The following KCNB2 variants were observed in gnomAD, a reference collection of about 807,000 sequenced individuals.
The protein encoded by KCNB2 is potassium voltage-gated channel subfamily B member 2, also known as delayed rectifier potassium channel protein.
KCNB2 carries 15 observed loss-of-function variants against 61.5 expected under a neutral mutation model. That is an observed-to-expected ratio of 0.24 (90% CI 0.16 to 0.38). The LOEUF (loss-of-function observed/expected upper bound fraction) is 0.38, where lower values mean the gene tolerates loss of function less well. KCNB2 is among the 10% of genes least tolerant of loss of function. KCNB2 has a pLI of 1.00. For missense variants in KCNB2, 828 were observed against 1,125.2 expected (o/e 0.74, Z 3.78); for synonymous variants, 457 against 446.0 (o/e 1.02, Z -0.31).
intron 2 of KCNB2, among the ~76,000 whole-genome samples, chr8:72,931,681 G>T (rs563228767): frequency 4.6e-5 from 7 of 152,258 alleles, no homozygotes; most frequent in African/African-American, 1.4e-4. Flanking sequence ...ACTCCTGCCA[G>T]CTCTGGAGGT....
At chr8:72,768,550 T>C (rs1808499434) in intron 2 of KCNB2, among the ~76,000 whole-genome samples, 1 of 152,148 alleles carries the variant, frequency 6.6e-6, no homozygotes, top group Non-Finnish European at 1.5e-5. Context: ...TTCATTTTGC[T>C]ATAGTCCCAG....
At chr8:72,543,639 C>T (rs1806221573) in intron 1 of KCNB2, among the ~76,000 whole-genome samples, 1 of 152,272 alleles carries the variant, frequency 6.6e-6, no homozygotes, top group African/African-American at 2.4e-5. Context: ...TGTGTAAAAA[C>T]ATGCTATGAA....
intron 2 of KCNB2, among the ~76,000 whole-genome samples, chr8:72,910,466 A>C (rs1303825113): frequency 6.6e-6 from 1 of 152,204 alleles, no homozygotes; most frequent in Non-Finnish European, 1.5e-5. Flanking sequence ...CATTGAAGGG[A>C]TACATAAAGG....
At chr8:72,931,569 G>T (rs540386538) in intron 2 of KCNB2, among the ~76,000 whole-genome samples, 81 of 152,282 alleles carry the variant, frequency 5.3e-4, no homozygotes, top group African/African-American at 1.8e-3. Context: ...AGTTGTGAAT[G>T]GGAGTTCACT....
At chr8:72,788,951 T>G (rs977720959) in intron 2 of KCNB2, among the ~76,000 whole-genome samples, 1 of 152,146 alleles carries the variant, frequency 6.6e-6, no homozygotes, top group Non-Finnish European at 1.5e-5. Context: ...GGTTTTATCT[T>G]TATTGATTCT....
intron 2 of KCNB2, among the ~76,000 whole-genome samples, chr8:72,624,430 T>A (rs1249677503): frequency 6.6e-6 from 1 of 152,236 alleles, no homozygotes; most frequent in Non-Finnish European, 1.5e-5. Flanking sequence ...ACAAAAAAGA[T>A]AACATTATGG....
At chr8:72,674,525 TAG>T (rs753759077) in intron 2 of KCNB2, among the ~76,000 whole-genome samples, 84 of 152,246 alleles carry the variant, frequency 5.5e-4, no homozygotes, top group Admixed American at 9.8e-4. Flanking sequence ...TCAGCAACTT[TAG>T]CTTATCAAAG....
At chr8:72,872,243 A>C (rs1805629751) in intron 2 of KCNB2, among the ~76,000 whole-genome samples, 1 of 152,248 alleles carries the variant, frequency 6.6e-6, no homozygotes, top group Non-Finnish European at 1.5e-5. Context: ...ATAAATTGGC[A>C]TCTCAGCAGT....
rs78495831 is a variant in KCNB2, at chr8:72,704,599, C to G, written c.579+136286C>G. ...CACAGATAAGATGAGCAGTGTGTCC[C>G]CAAAAGGACCTCAGCTTTCAGAGGG... On this transcript the variant is annotated intron_variant, in intron 2 of 2. Transcript: ENST00000523207. Among the ~76,000 whole-genome samples, 984 of 151,618 alleles carry G rather than the reference C, an allele frequency of 6.5e-3. 10 individuals are homozygous for G. Among genetic ancestry groups the G allele is most frequent in the African/African-American group, 0.022 (927 of 41,372 alleles).
chr8:72,684,563 C>T (rs893303727), intron 2 of KCNB2, among the ~76,000 whole-genome samples: 6 of 152,054 alleles, frequency 3.9e-5, no homozygotes, highest in East Asian at 1.9e-4. Flanking sequence ...CCCTCCTCAC[C>T]CCCACCTACC....
chr8:72,658,002 C>T (rs943426019), intron 2 of KCNB2, among the ~76,000 whole-genome samples: 8 of 147,860 alleles, frequency 5.4e-5, no homozygotes, highest in African/African-American at 2.1e-4. Flanking sequence ...CCCTGAGACC[C>T]AGCAATATTG....
At chr8:72,819,351 T>C (rs1164963502) in intron 2 of KCNB2, among the ~76,000 whole-genome samples, 2 of 152,122 alleles carry the variant, frequency 1.3e-5, no homozygotes, top group Non-Finnish European at 2.9e-5. Flanking sequence ...GTGATCCCCA[T>C]TCACCTCAGC....
Position 72,930,064 on chromosome 8 carries a change from C to T in KCNB2, c.580-5871C>T, listed in dbSNP as rs569671554. On this transcript the variant is annotated intron_variant, in intron 2 of 2. Coordinates refer to ENST00000523207, the MANE Select transcript of KCNB2 (RefSeq NM_004770.3). ...AACATGCAATGTTTGGTTTTTTGTCCTTACAATAGTTTGCTGAGAATGATC... is the reference window on the plus strand; with the variant it reads ...AACATGCAATGTTTGGTTTTTTGTCTTTACAATAGTTTGCTGAGAATGATC... Among the ~76,000 whole-genome samples the T allele has an allele frequency of 4.6e-5, 7 of 151,156 alleles. No individual in the cohort carries two copies. In the East Asian group the frequency reaches 1.2e-3, roughly 25 times the overall value.
intron 2 of KCNB2, among the ~76,000 whole-genome samples, chr8:72,874,196 T>G (rs1373631258): frequency 6.6e-6 from 1 of 152,214 alleles, no homozygotes; most frequent in African/African-American, 2.4e-5. Context: ...TCATTCTAAT[T>G]TTTTAAAAAA....
Position 72,705,868 on chromosome 8 carries a change from G to A in KCNB2, c.579+137555G>A, listed in dbSNP as rs375452584. ...GGAGAACTGAGAGTGCAAACAAGAG[G>A]CTCAGTTTGTAAAGACCTGAGGTGC... is the stretch of plus-strand genomic sequence containing the variant. On this transcript the variant is annotated intron_variant, in intron 2 of 2. Coordinates refer to ENST00000523207, the MANE Select transcript of KCNB2 (RefSeq NM_004770.3). 1.3e-4 allele frequency among the ~76,000 whole-genome samples: 20 copies of A among 152,326 alleles called. No homozygotes were observed. In the East Asian group the frequency reaches 2.9e-3, roughly 22 times the overall value.
intron 1 of KCNB2, among the ~76,000 whole-genome samples, chr8:72,555,382 A>T (rs1416195222): frequency 6.6e-6 from 1 of 151,792 alleles, no homozygotes; most frequent in African/African-American, 2.4e-5. Context: ...AACTCTAAGA[A>T]TATCCCTACT....
At position 72,537,752 on chromosome 8, in the gene KCNB2, G is replaced by A. The variant is rs939480976; in HGVS notation, c.-227G>A. ...GACCCTCCTCTCTGTGGAGGGGAGG[G>A]GGATTTCCAGCGACAGGTCATTGGC... On this transcript the variant is annotated 5_prime_UTR_variant, in exon 1 of 3. Transcript: ENST00000523207. 3 of 152,232 alleles carry A rather than the reference G, an allele frequency of 2.0e-5. No homozygotes were observed. The highest frequency in any genetic ancestry group is 2.9e-5 in the Non-Finnish European group (2 of 68,160). 9.4% of individuals were successfully genotyped at this position (152,232 alleles called of 1,614,324 possible).
intron 2 of KCNB2, among the ~76,000 whole-genome samples, chr8:72,780,442 CA>C (rs1808734839): frequency 1.3e-5 from 2 of 152,144 alleles, no homozygotes; most frequent in South Asian, 4.1e-4. Flanking sequence ...TATTCAAGAT[CA>C]GAGAGCTTTC....
chr8:72,883,784 T>C (rs967378356), intron 2 of KCNB2, among the ~76,000 whole-genome samples: 3 of 152,230 alleles, frequency 2.0e-5, no homozygotes, highest in African/African-American at 7.2e-5. Context: ...CGTTACGTAG[T>C]GTTCCACTGT....
Sources: allele counts gnomAD v4.1 joint callset (sites outside exome capture counted in the v4.1 genomes callset), GRCh38; gene constraint gnomAD v4.1.1; transcripts MANE v1.5; gene names NCBI Gene and HGNC (gene_info 2026-07-23, HGNC 2026-07-21).